The following COL15A1 variants were observed in gnomAD, a reference collection of about 807,000 sequenced individuals.
The protein encoded by COL15A1 is collagen alpha-1(XV) chain.
Under a neutral mutation model 165.9 loss-of-function variants are expected in COL15A1, and 111 were observed. The observed-to-expected ratio is 0.67, with a 90% CI of 0.57 to 0.78. The LOEUF (loss-of-function observed/expected upper bound fraction) is 0.78. COL15A1 is among the 30% of genes least tolerant of loss of function. The probability of loss-of-function intolerance (pLI) is 0.00; values close to 1 mark genes in which losing one functional copy is unlikely to be tolerated. For missense variants in COL15A1, 1,745 were observed against 1,789.7 expected, an observed-to-expected ratio of 0.98 and a Z score of 0.45; for synonymous variants, 659 against 674.8, an observed-to-expected ratio of 0.98 and a Z score of 0.36.
At chr9:98,974,695 C>T (rs983982085) in intron 2 of COL15A1, among the ~76,000 whole-genome samples, 5 of 152,198 alleles carry the variant, frequency 3.3e-5, no homozygotes, top group Non-Finnish European at 7.4e-5. Context: ...CTGGTCCAGC[C>T]CCAGGCCACA....
In COL15A1 at chr9:98,986,030, G is replaced by A. The variant is rs187697004; in HGVS notation, c.566G>A (p.Arg189Gln). 15 of 1,614,088 alleles carry A rather than the reference G, an allele frequency of 9.3e-6. No individual in the cohort carries two copies. In the African/African-American group the frequency reaches 9.3e-5, roughly 10 times the overall value. ...CEEHSRIPFQ[R>Q]SSQALAFESS... ...GAGCACAGCCGCATCCCCTTCCAGC[G>A]GTCCTCCCAGGCTTTGGCTTTTGAG... The change falls in exon 3 of 42, where the codon CGG (arginine) becomes CAG (glutamine). Residue 189 changes from arginine (R) to glutamine (Q), a missense_variant. Coordinates refer to ENST00000375001, the MANE Select transcript of COL15A1 (RefSeq NM_001855.5).
chr9:99,061,795 G>A (rs969254861), intron 36 of COL15A1, among the ~76,000 whole-genome samples, 176 bp from the exon 37 acceptor site: 1 of 152,148 alleles, frequency 6.6e-6, no homozygotes, highest in African/African-American at 2.4e-5. Flanking sequence ...GTTTTATCAA[G>A]AAGAATGCCC....
intron 2 of COL15A1, among the ~76,000 whole-genome samples, chr9:98,968,981 A>G (rs1837999811): frequency 1.3e-5 from 2 of 152,116 alleles, no homozygotes; most frequent in South Asian, 2.1e-4. Flanking sequence ...AAAAACGCCA[A>G]TCCCAGCCCC....
At chr9:99,053,199 G>A (rs1839619545) in intron 31 of COL15A1, among the ~76,000 whole-genome samples, 1 of 152,212 alleles carries the variant, frequency 6.6e-6, no homozygotes, top group South Asian at 2.1e-4. Flanking sequence ...GCCACTTGGG[G>A]TTTAAATAGA....
chr9:99,035,285 C>T, intron 18 of COL15A1, 65 bp from the exon 19 acceptor site: 10 of 1,610,324 alleles, frequency 6.2e-6, no homozygotes, highest in Non-Finnish European at 7.6e-6. Context: ...CTTCCAACAC[C>T]ACACCTGGCA....
chr9:99,061,996 A>G lies in COL15A1; in HGVS notation c.3428A>G (p.Asp1143Gly), dbSNP rs1032461469. 1.9e-6 allele frequency: 3 copies of G among 1,613,726 alleles called. No homozygotes were observed. The highest frequency in any genetic ancestry group is 2.7e-5 in the African/African-American group (2 of 75,032). Residue 1143 changes from aspartate (D) to glycine (G), a missense_variant, in exon 37 of 42, where the codon GAC (aspartate) becomes GGC (glycine). Physicochemically the swap from Asp to Gly is moderately conservative, Grantham distance 94 (BLOSUM62 -1). Coordinates refer to ENST00000375001, the MANE Select transcript of COL15A1 (RefSeq NM_001855.5). ...GTCACAGCATTCAGCAACATGGATG[A>G]CATGCTGCAGAAAGCGCATTTGGTT... ...NLVTAFSNMD[D>G]MLQKAHLVIE...
chr9:99,054,442 C>A, intron 31 of COL15A1, 134 bp from the exon 32 acceptor site: 1 of 884,200 alleles, frequency 1.1e-6, no homozygotes, highest in Non-Finnish European at 1.7e-6. Flanking sequence ...TTTACACTTG[C>A]TGATCTCTCA....
intron 7 of COL15A1, 50 bp downstream of exon 7, chr9:99,001,001 CT>C (rs748470702): frequency 3.4e-6 from 3 of 875,768 alleles, no homozygotes; most frequent in East Asian, 4.9e-5. Context: ...GGCTTGTTTG[CT>C]TATTTCAAAC....
chr9:99,030,866 G>T (rs1839204229), intron 16 of COL15A1, among the ~76,000 whole-genome samples: 1 of 152,212 alleles, frequency 6.6e-6, no homozygotes, highest in Admixed American at 6.5e-5. Context: ...GCAATGGGCA[G>T]CCAGCAACAA....
intron 6 of COL15A1, among the ~76,000 whole-genome samples, chr9:98,998,667 G>A (rs1216839074): frequency 6.6e-6 from 1 of 152,176 alleles, no homozygotes; most frequent in Non-Finnish European, 1.5e-5. Flanking sequence ...CTTTTCTCAG[G>A]GGTGGAATTA....
At chr9:99,043,642 G>A (rs1839448930) in intron 24 of COL15A1, among the ~76,000 whole-genome samples, 1 of 152,082 alleles carries the variant, frequency 6.6e-6, no homozygotes, top group Non-Finnish European at 1.5e-5. Context: ...TACCAGGTGT[G>A]GGCTTAGGGG....
At chr9:99,041,188 C>T (rs928803298) in intron 23 of COL15A1, 3 of 152,494 alleles carry the variant, frequency 2.0e-5, no homozygotes, top group Non-Finnish European at 4.4e-5. Context: ...CTTCACTGGA[C>T]ATATTTGTAT....
chr9:98,973,616 C>T (rs1178622285), intron 2 of COL15A1, among the ~76,000 whole-genome samples: 2 of 152,186 alleles, frequency 1.3e-5, no homozygotes, highest in Non-Finnish European at 1.5e-5. Flanking sequence ...ACGGGAGCCC[C>T]CAGAGACTCC....
rs1839097487 is a variant in COL15A1, at chr9:99,024,978, TG to T, written c.1960del (p.Ala654LeufsTer24). On this transcript the variant is annotated frameshift_variant, in exon 15 of 42. Coordinates refer to ENST00000375001, the MANE Select transcript of COL15A1 (RefSeq NM_001855.5). LOFTEE classifies it high-confidence loss of function. ...PPGSPGEDGP[A>X]GEPGPPGPEG... The stretch of plus-strand genomic sequence containing the variant: ...CTGGATCTCCTGGAGAGGATGGACC[TG>T]CTGGTGAACCTGGGCCCCCGGTGAG... 6.2e-7 allele frequency: 1 copy of T among 1,613,444 alleles called. No homozygotes were observed. Among genetic ancestry groups the T allele is most frequent in the Non-Finnish European group, 8.5e-7 (1 of 1,179,740 alleles).
intron 32 of COL15A1, 112 bp from the exon 33 acceptor site, chr9:99,054,990 C>A (rs575709859): frequency 2.2e-6 from 2 of 926,632 alleles, no homozygotes; most frequent in Admixed American, 1.7e-5. Context: ...GTTAGCCAAC[C>A]CAGTGCAGGC....
intron 2 of COL15A1, among the ~76,000 whole-genome samples, chr9:98,981,681 C>G (rs1008413257): frequency 6.6e-6 from 1 of 152,174 alleles, no homozygotes; most frequent in Non-Finnish European, 1.5e-5. Context: ...ACCAAATTCA[C>G]AAGAATGGCT....
intron 21 of COL15A1, among the ~76,000 whole-genome samples, 158 bp downstream of exon 21, chr9:99,036,554 C>T (rs928692357): frequency 3.9e-5 from 6 of 152,344 alleles, no homozygotes; most frequent in East Asian, 1.9e-4. Context: ...CCTGTTCCTC[C>T]CCCAGTTCCA....
chr9:99,064,260 G>A (rs1825861061), intron 39 of COL15A1, among the ~76,000 whole-genome samples: 1 of 152,138 alleles, frequency 6.6e-6, no homozygotes, highest in Admixed American at 6.5e-5. Context: ...TAGTTTATAT[G>A]GTCTGTCTTG....
Position 98,944,042 on chromosome 9 carries a change from G to A in COL15A1, c.-20G>A, listed in dbSNP as rs763399815. The A allele has an allele frequency of 6.2e-7, 1 of 1,613,804 alleles. No individual in the cohort carries two copies. The highest frequency in any genetic ancestry group is 2.2e-5 in the East Asian group (1 of 44,864). On this transcript the variant is annotated 5_prime_UTR_variant, in exon 1 of 42. Transcript: ENST00000375001. ...TGCTCGACTAGCCGCGCGCCTTCCG[G>A]GGCTCCGCAGACCCGCGAGATGGCA...
Sources: gnomAD v4.1 joint callset for allele counts (sites outside exome capture counted in the v4.1 genomes callset) on GRCh38, gnomAD v4.1.1 for gene constraint, MANE v1.5 for transcripts, NCBI Gene and HGNC (gene_info 2026-07-23, HGNC 2026-07-21) for gene names.